CDH12: variants seen among roughly 807,000 people sequenced by gnomAD.
CDH12 encodes the protein cadherin 12, also known as cadherin-12.
Under a neutral mutation model 74.1 loss-of-function variants are expected in CDH12, and 41 were observed. The ratio of observed to expected loss-of-function variants is 0.55; its 90% CI spans 0.43 to 0.72. The LOEUF is 0.72. Among genes scored for constraint, CDH12 ranks in the 30% least tolerant of loss-of-function variants. The probability of loss-of-function intolerance (pLI) is 0.00; values close to 1 mark genes in which losing one functional copy is unlikely to be tolerated. For missense variants in CDH12, 945 were observed against 977.2 expected, an observed-to-expected ratio of 0.97 and a Z score of 0.44; for synonymous variants, 399 against 355.0, an observed-to-expected ratio of 1.12 and a Z score of -1.39.
chr5:22,185,470 C>T lies in CDH12; in HGVS notation c.-187+27028G>A, dbSNP rs939431237. 6.6e-5 allele frequency among the ~76,000 whole-genome samples: 10 copies of T among 152,236 alleles called. No individual in the cohort carries two copies. In the South Asian group the frequency reaches 1.9e-3, roughly 28 times the overall value. On this transcript the variant is annotated intron_variant, in intron 4 of 14. Coordinates refer to ENST00000382254, the MANE Select transcript of CDH12 (RefSeq NM_004061.5). Reference sequence around the variant, plus strand: ...AAACTATTTATGCAGAAATGGCACACGTGAGCTACTGGCATGTAACCTGAA... The same window carrying T: ...AAACTATTTATGCAGAAATGGCACATGTGAGCTACTGGCATGTAACCTGAA...
In CDH12 at chr5:21,802,245, ACCT is replaced by A; in HGVS notation, c.1175_1177del (p.Glu392del). 3 of 1,613,712 alleles carry A rather than the reference ACCT, an allele frequency of 1.9e-6. No individual in the cohort carries two copies. Among genetic ancestry groups the A allele is most frequent in the Non-Finnish European group, 2.5e-6 (3 of 1,179,890 alleles). ...GGTCCCTACCGGAGTGTCTTCATAAACCTCCATGGTGTAGAGCGGCTTGCTGAA... is the reference window on the plus strand; with the variant it reads ...GGTCCCTACCGGAGTGTCTTCATAAACCATGGTGTAGAGCGGCTTGCTGAA... On this transcript the variant is annotated inframe_deletion, in exon 10 of 15. Transcript: ENST00000382254.
chr5:22,212,045 C>T (rs945316106), intron 4 of CDH12, among the ~76,000 whole-genome samples: 2 of 150,562 alleles, frequency 1.3e-5, no homozygotes, highest in African/African-American at 4.9e-5. Context: ...AATCCTTAAA[C>T]CAAAAGGGAG....
intron 2 of CDH12, among the ~76,000 whole-genome samples, chr5:22,489,836 T>C (rs1403677507): frequency 6.6e-6 from 1 of 151,716 alleles, no homozygotes; most frequent in African/African-American, 2.4e-5. Flanking sequence ...TACAGGCACA[T>C]GCCCAGCTAA....
intron 1 of CDH12, among the ~76,000 whole-genome samples, chr5:22,829,867 GGATGGTCTAT>G (rs1309388961): frequency 6.6e-6 from 1 of 152,114 alleles, no homozygotes; most frequent in African/African-American, 2.4e-5. Context: ...AGTTGGTTGT[GGATGGTCTAT>G]GATACAGCAA....
chr5:22,318,733 C>T (rs553712870), intron 3 of CDH12, among the ~76,000 whole-genome samples: 47 of 152,270 alleles, frequency 3.1e-4, no homozygotes, highest in African/African-American at 9.4e-4. Context: ...TTCAATTTGT[C>T]CTCTTCATCC....
intron 2 of CDH12, among the ~76,000 whole-genome samples, chr5:22,482,881 C>T (rs942357022): frequency 6.6e-6 from 1 of 152,134 alleles, no homozygotes; most frequent in African/African-American, 2.4e-5. Flanking sequence ...AATGTCCAAA[C>T]CAATGCAGTC....
chr5:22,323,475 CTA>C (rs1319511937), intron 3 of CDH12, among the ~76,000 whole-genome samples: 1 of 152,014 alleles, frequency 6.6e-6, no homozygotes, highest in African/African-American at 2.4e-5. Context: ...TTGTCTCTGA[CTA>C]TGAAATACTC....
intron 1 of CDH12, among the ~76,000 whole-genome samples, chr5:22,749,202 T>C (rs535442044): frequency 2.8e-4 from 43 of 152,334 alleles, no homozygotes; most frequent in Admixed American, 2.1e-3. Flanking sequence ...AGCAACAGCA[T>C]GAGCACAGCA....
At chr5:22,495,264 GC>G (rs1747055438) in intron 2 of CDH12, among the ~76,000 whole-genome samples, 1 of 152,080 alleles carries the variant, frequency 6.6e-6, no homozygotes, top group African/African-American at 2.4e-5. Flanking sequence ...ATCATATGCA[GC>G]AAAAAACTAA....
chr5:22,716,065 A>T (rs983691585), intron 1 of CDH12, among the ~76,000 whole-genome samples: 5 of 152,070 alleles, frequency 3.3e-5, no homozygotes, highest in Admixed American at 6.6e-5. Context: ...TGAACCTGGG[A>T]GGCAGAGATT....
At chr5:22,110,946 A>T (rs1264585272) in intron 4 of CDH12, among the ~76,000 whole-genome samples, 1 of 152,170 alleles carries the variant, frequency 6.6e-6, no homozygotes, top group Non-Finnish European at 1.5e-5. Flanking sequence ...GGCAAGAGAG[A>T]GGTTGGTCAT....
chr5:22,234,333 G>T (rs1580431689), intron 3 of CDH12, among the ~76,000 whole-genome samples: 1 of 152,090 alleles, frequency 6.6e-6, no homozygotes, highest in South Asian at 2.1e-4. Flanking sequence ...AAAGGGGGGC[G>T]TAATTGAATC....
chr5:22,614,739 A>G (rs1737604881), intron 1 of CDH12, among the ~76,000 whole-genome samples: 1 of 152,066 alleles, frequency 6.6e-6, no homozygotes, highest in Admixed American at 6.6e-5. Flanking sequence ...CCCCTTATCC[A>G]TGGGGAATAT....
intron 6 of CDH12, among the ~76,000 whole-genome samples, chr5:21,924,405 AC>A (rs1754495409): frequency 6.6e-6 from 1 of 152,100 alleles, no homozygotes; most frequent in Non-Finnish European, 1.5e-5. Context: ...AATCCCAGCT[AC>A]TTGGGAGGCT....
rs766087207 is a variant in CDH12, at chr5:22,814,391, TTCAA to T, written c.-523+38663_-523+38666del. ...TAGACAAAAATTTTGTGCTTGCTAT[TTCAA>T]TCATTGTAGGAACAAAGATAAAAAC... is the stretch of plus-strand genomic sequence containing the variant. On this transcript the variant is annotated intron_variant, in intron 1 of 14. Coordinates refer to ENST00000382254, the MANE Select transcript of CDH12 (RefSeq NM_004061.5). Among the ~76,000 whole-genome samples the T allele has an allele frequency of 3.3e-5, 5 of 152,336 alleles. No individual in the cohort carries two copies. The East Asian group carries it at 9.7e-4, about 29-fold the overall frequency.
intron 4 of CDH12, among the ~76,000 whole-genome samples, chr5:22,080,701 T>A (rs986156464): frequency 6.6e-6 from 1 of 152,200 alleles, no homozygotes; most frequent in African/African-American, 2.4e-5. Context: ...TCTTTTTTTT[T>A]ATCACTTGAC....
chr5:22,844,272 G>A (rs1737205995), intron 1 of CDH12, among the ~76,000 whole-genome samples: 1 of 152,038 alleles, frequency 6.6e-6, no homozygotes, highest in East Asian at 1.9e-4. Context: ...CAGGAACAAG[G>A]GCAGGGCTTT....
Position 22,427,174 on chromosome 5 carries a change from T to A in CDH12, c.-427-21823A>T, listed in dbSNP as rs190402945. Among the ~76,000 whole-genome samples, 18 of 152,254 alleles carry A rather than the reference T, an allele frequency of 1.2e-4. No homozygotes were observed. The East Asian group carries it at 3.5e-3, about 29-fold the overall frequency. Reference sequence around the variant, plus strand: ...CTATACTTTTAGAGAATAAAGGGAATACTTTTTTTTTGAGATGGAGTCTTG... The same window carrying A: ...CTATACTTTTAGAGAATAAAGGGAAAACTTTTTTTTTGAGATGGAGTCTTG... On this transcript the variant is annotated intron_variant, in intron 2 of 14. Transcript: ENST00000382254.
Position 21,879,450 on chromosome 5 carries a change from T to G in CDH12, c.527-24660A>C, listed in dbSNP as rs183386618. Among the ~76,000 whole-genome samples the G allele has an allele frequency of 6.5e-3, 977 of 151,442 alleles. 8 individuals are homozygous for G. Among genetic ancestry groups the G allele is most frequent in the Non-Finnish European group, 9.8e-3 (669 of 68,012 alleles). On this transcript the variant is annotated intron_variant, in intron 6 of 14. Transcript: ENST00000382254. Reference sequence around the variant, plus strand: ...ATCTGGAAGACGTTTTTGTTACTTATGGCAGTGAAATATATTTGATGCTAC... The same window carrying G: ...ATCTGGAAGACGTTTTTGTTACTTAGGGCAGTGAAATATATTTGATGCTAC...
Sources: gnomAD v4.1 joint callset for allele counts (sites outside exome capture counted in the v4.1 genomes callset) on GRCh38, gnomAD v4.1.1 for gene constraint, MANE v1.5 for transcripts, NCBI Gene and HGNC (gene_info 2026-07-23, HGNC 2026-07-21) for gene names.